NRG3: variants seen among roughly 807,000 people sequenced by gnomAD.
NRG3 encodes the protein neuregulin 3.
NRG3 carries 31 observed loss-of-function variants against 66.9 expected under a neutral mutation model. That is an observed-to-expected ratio of 0.46 (90% CI 0.35 to 0.63). The LOEUF (loss-of-function observed/expected upper bound fraction) is 0.63, where lower values mean the gene tolerates loss of function less well. Among genes scored for constraint, NRG3 ranks in the 20% least tolerant of loss-of-function variants. NRG3 has a pLI of 0.00. For synonymous variants in NRG3, 393 were observed against 359.4 expected (o/e 1.09, Z -1.06); for missense variants, 910 against 878.9 (o/e 1.04, Z -0.45).
intron 3 of NRG3, among the ~76,000 whole-genome samples, chr10:82,843,428 A>G (rs990895611): frequency 1.3e-5 from 2 of 152,216 alleles, no homozygotes; most frequent in African/African-American, 4.8e-5. Flanking sequence ...TCCAGTCTCC[A>G]GAAATGAGAG....
intron 2 of NRG3, among the ~76,000 whole-genome samples, chr10:82,718,331 G>A (rs952765994): frequency 6.6e-6 from 1 of 152,108 alleles, no homozygotes; most frequent in Non-Finnish European, 1.5e-5. Context: ...AGAGGTTTCT[G>A]TTGTGGTTTC....
chr10:82,156,174 T>G (rs778845102), intron 1 of NRG3, among the ~76,000 whole-genome samples: 1 of 151,642 alleles, frequency 6.6e-6, no homozygotes, highest in Non-Finnish European at 1.5e-5. Context: ...AAATTTCACT[T>G]TCTGATTTCT....
At chr10:82,061,867 A>T (rs141479141) in intron 1 of NRG3, among the ~76,000 whole-genome samples, 33,599 of 145,044 alleles carry the variant, frequency 0.23, 3,900 homozygotes, top group Middle Eastern at 0.32. Context: ...TCTCTCACAC[A>T]CACAAACACA....
intron 2 of NRG3, among the ~76,000 whole-genome samples, chr10:82,564,856 A>G (rs2045290722): frequency 6.6e-6 from 1 of 152,180 alleles, no homozygotes; most frequent in East Asian, 1.9e-4. Flanking sequence ...TTTGTAATAT[A>G]GAAAGCATAC....
intron 1 of NRG3, among the ~76,000 whole-genome samples, chr10:82,013,893 T>C (rs982279759): frequency 6.6e-6 from 1 of 152,146 alleles, no homozygotes; most frequent in African/African-American, 2.4e-5. Flanking sequence ...TGAACTCAAA[T>C]AGATGAAATG....
At chr10:82,763,391 T>C (rs342403) in intron 3 of NRG3, among the ~76,000 whole-genome samples, 93,878 of 152,000 alleles carry the variant, frequency 0.62, 31,811 homozygotes, top group Non-Finnish European at 0.75. Context: ...ACTTTCCTCA[T>C]ATAATGAAAG....
At chr10:82,344,560 G>C (rs942771053) in intron 1 of NRG3, among the ~76,000 whole-genome samples, 2 of 142,812 alleles carry the variant, frequency 1.4e-5, no homozygotes, top group African/African-American at 5.9e-5. Context: ...ATGATTTGTA[G>C]TCCTTTGGGT....
intron 1 of NRG3, among the ~76,000 whole-genome samples, chr10:82,036,937 C>A (rs1159837358): frequency 1.3e-5 from 2 of 152,144 alleles, no homozygotes; most frequent in Non-Finnish European, 2.9e-5. Context: ...TAGCCAGATT[C>A]ACCATAAAGG....
At chr10:82,969,035 C>T (rs539871157) in intron 6 of NRG3, among the ~76,000 whole-genome samples, 1 of 152,280 alleles carries the variant, frequency 6.6e-6, no homozygotes, top group South Asian at 2.1e-4. Context: ...GAAACTGCCG[C>T]CATGATTCAA....
chr10:82,693,558 C>T (rs973275514), intron 2 of NRG3, among the ~76,000 whole-genome samples: 2 of 152,150 alleles, frequency 1.3e-5, no homozygotes, highest in Non-Finnish European at 2.9e-5. Context: ...TTTTCTCCTA[C>T]AAAACAAAGA....
At chr10:82,450,334 A>G (rs2090961153) in intron 2 of NRG3, among the ~76,000 whole-genome samples, 1 of 152,152 alleles carries the variant, frequency 6.6e-6, no homozygotes, top group Non-Finnish European at 1.5e-5. Context: ...AACCCATACC[A>G]TCAGAGCACT....
At chr10:82,626,128 A>G (rs2049404413) in intron 2 of NRG3, among the ~76,000 whole-genome samples, 1 of 152,050 alleles carries the variant, frequency 6.6e-6, no homozygotes, top group African/African-American at 2.4e-5. Flanking sequence ...TTACCCATTC[A>G]CTCAGCCTCA....
chr10:82,755,841 T>G (rs2059055274), intron 3 of NRG3, among the ~76,000 whole-genome samples: 1 of 152,130 alleles, frequency 6.6e-6, no homozygotes, highest in Non-Finnish European at 1.5e-5. Context: ...TTTTCTAATC[T>G]TCCTGTTTAA....
intron 1 of NRG3, among the ~76,000 whole-genome samples, chr10:82,126,528 A>G (rs2068461027): frequency 1.3e-5 from 2 of 152,078 alleles, no homozygotes; most frequent in African/African-American, 2.4e-5. Context: ...GATAGTATGC[A>G]GAGATTTAAT....
intron 3 of NRG3, among the ~76,000 whole-genome samples, chr10:82,817,794 A>G (rs2061778264): frequency 6.6e-6 from 1 of 152,254 alleles, no homozygotes; most frequent in Non-Finnish European, 1.5e-5. Context: ...TTCTTTTTGT[A>G]TAGCAGCTTT....
rs148977537 is a variant in NRG3, at chr10:82,446,836, C to T, written c.953+87968C>T. On this transcript the variant is annotated intron_variant, in intron 2 of 8. Transcript: ENST00000372141. ...TTCAAAACTGCTTCCCGCAATGTCCCCTGCCCCCATGCCTGAAAACCTTGT... is the reference window on the plus strand; with the variant it reads ...TTCAAAACTGCTTCCCGCAATGTCCTCTGCCCCCATGCCTGAAAACCTTGT... Among the ~76,000 whole-genome samples the T allele has an allele frequency of 5.1e-4, 77 of 152,260 alleles. 1 individual carries two copies. The highest frequency in any genetic ancestry group is 2.7e-3 in the Admixed American group (41 of 15,292).
chr10:82,047,008 A>G (rs2063331226), intron 1 of NRG3, among the ~76,000 whole-genome samples: 2 of 129,102 alleles, frequency 1.5e-5, no homozygotes, highest in South Asian at 6.0e-4. Flanking sequence ...AATGTTCATC[A>G]AGGATATTGG....
chr10:82,652,112 A>C (rs554400025), intron 2 of NRG3, among the ~76,000 whole-genome samples: 1 of 152,306 alleles, frequency 6.6e-6, no homozygotes, highest in Admixed American at 6.5e-5. Flanking sequence ...GGGAGGAAGC[A>C]TGCAGGTGAG....
intron 3 of NRG3, among the ~76,000 whole-genome samples, chr10:82,828,703 A>G (rs545019874): frequency 1.3e-5 from 2 of 152,318 alleles, no homozygotes; most frequent in South Asian, 4.1e-4. Flanking sequence ...AAAAGTGAAT[A>G]TTATAAACCA....
Sources: gnomAD v4.1 joint callset for allele counts (sites outside exome capture counted in the v4.1 genomes callset) on GRCh38, gnomAD v4.1.1 for gene constraint, MANE v1.5 for transcripts, NCBI Gene and HGNC (gene_info 2026-07-23, HGNC 2026-07-21) for gene names.